Variants in RBFOX1 observed in about 807,000 individuals in gnomAD.
RBFOX1 encodes the protein RNA binding fox-1 homolog 1.
Under a neutral mutation model 57.7 loss-of-function variants are expected in RBFOX1, and 8 were observed. That is an observed-to-expected ratio of 0.14 (90% CI 0.08 to 0.25). The LOEUF is 0.25. Among genes scored for constraint, RBFOX1 ranks in the 10% least tolerant of loss-of-function variants. The pLI is 1.00. For synonymous variants in RBFOX1, 326 were observed against 222.4 expected (o/e 1.47, Z -4.15); for missense variants, 611 against 548.5 (o/e 1.11, Z -1.14).
intron 4 of RBFOX1, among the ~76,000 whole-genome samples, chr16:7,378,606 C>T (rs931027408): frequency 2.0e-5 from 3 of 152,314 alleles, no homozygotes; most frequent in South Asian, 2.1e-4. Context: ...AAGCATTAGG[C>T]ACATTGTTTT....
intron 4 of RBFOX1, among the ~76,000 whole-genome samples, chr16:7,482,306 T>C (rs1257846453): frequency 2.0e-5 from 3 of 152,156 alleles, no homozygotes; most frequent in Non-Finnish European, 4.4e-5. Context: ...TGTGAAGTGC[T>C]TTAGGGAGGC....
chr16:6,061,208 G>A (rs957583056), intron 1 of RBFOX1, among the ~76,000 whole-genome samples: 1 of 152,064 alleles, frequency 6.6e-6, no homozygotes, highest in African/African-American at 2.4e-5. Flanking sequence ...AGAAGGACAG[G>A]GACCCACTAT....
chr16:7,044,013 C>T (rs566414708), intron 3 of RBFOX1, among the ~76,000 whole-genome samples: 1 of 152,186 alleles, frequency 6.6e-6, no homozygotes, highest in Admixed American at 6.5e-5. Flanking sequence ...GCACCTCTTA[C>T]ACTTTCACTG....
At chr16:5,844,549 T>A (rs1369619007) in intron 3 of RBFOX1, among the ~76,000 whole-genome samples, 1 of 152,164 alleles carries the variant, frequency 6.6e-6, no homozygotes, top group Non-Finnish European at 1.5e-5. Context: ...GTGGCAAAGA[T>A]TCCTTCACTA....
intron 10 of RBFOX1, among the ~76,000 whole-genome samples, chr16:7,612,146 C>A (rs532631422): frequency 6.6e-6 from 1 of 151,800 alleles, no homozygotes; most frequent in Admixed American, 6.6e-5. Flanking sequence ...ACGATGAAAC[C>A]CCGTCTCTAC....
chr16:6,418,163 G>A (rs188849723), intron 2 of RBFOX1, among the ~76,000 whole-genome samples: 3 of 152,308 alleles, frequency 2.0e-5, no homozygotes, highest in Non-Finnish European at 4.4e-5. Flanking sequence ...TTAACCTCAT[G>A]AGGGAGGCAC....
At chr16:6,791,927 A>C (rs1321334033) in intron 3 of RBFOX1, among the ~76,000 whole-genome samples, 1 of 152,206 alleles carries the variant, frequency 6.6e-6, no homozygotes, top group Non-Finnish European at 1.5e-5. Context: ...AGAGAGAACT[A>C]GAGACTGGAA....
chr16:6,664,697 CAGAT>C, intron 3 of RBFOX1, among the ~76,000 whole-genome samples: 1 of 152,184 alleles, frequency 6.6e-6, no homozygotes, highest in Non-Finnish European at 1.5e-5. Flanking sequence ...TCAGAACCCA[CAGAT>C]AGGCAGGGAT....
chr16:7,567,346 T>TATATATA (rs2092035268), intron 5 of RBFOX1, among the ~76,000 whole-genome samples: 4 of 121,490 alleles, frequency 3.3e-5, no homozygotes, highest in Non-Finnish European at 5.3e-5. Flanking sequence ...GCCCTATATA[T>TATATATA]ATATCCCTAT....
intron 4 of RBFOX1, among the ~76,000 whole-genome samples, chr16:6,003,845 C>T (rs966150823): frequency 2.0e-5 from 3 of 152,192 alleles, no homozygotes; most frequent in Non-Finnish European, 4.4e-5. Context: ...GGCCTCTTGT[C>T]AAAGGCCTTC....
At chr16:6,769,835 A>G (rs1422677083) in intron 3 of RBFOX1, among the ~76,000 whole-genome samples, 1 of 152,242 alleles carries the variant, frequency 6.6e-6, no homozygotes, top group Non-Finnish European at 1.5e-5. Context: ...ACACATTCTG[A>G]GGACAACTCA....
chr16:6,970,090 A>G (rs574249605), intron 3 of RBFOX1, among the ~76,000 whole-genome samples: 1 of 152,130 alleles, frequency 6.6e-6, no homozygotes, highest in African/African-American at 2.4e-5. Flanking sequence ...AGGCAGGAAG[A>G]TGATTTGAGC....
intron 2 of RBFOX1, among the ~76,000 whole-genome samples, chr16:6,418,931 T>C (rs933356198): frequency 6.6e-5 from 10 of 152,256 alleles, no homozygotes; most frequent in Admixed American, 5.9e-4. Context: ...GTATTGCAAT[T>C]ACTGGGGAGC....
At chr16:7,700,639 G>A (rs942423004) in intron 14 of RBFOX1, among the ~76,000 whole-genome samples, 21 of 152,184 alleles carry the variant, frequency 1.4e-4, no homozygotes, top group Admixed American at 3.9e-4. Flanking sequence ...ATTTCTAAGA[G>A]AAGGATGGCC....
At chr16:7,557,938 C>T (rs917957809) in intron 5 of RBFOX1, among the ~76,000 whole-genome samples, 1 of 152,096 alleles carries the variant, frequency 6.6e-6, no homozygotes, top group South Asian at 2.1e-4. Context: ...GACCATCACG[C>T]AGTATTTCCA....
At chr16:7,165,718 T>C (rs913493832) in intron 4 of RBFOX1, among the ~76,000 whole-genome samples, 15 of 152,018 alleles carry the variant, frequency 9.9e-5, no homozygotes, top group Non-Finnish European at 1.9e-4. Context: ...TGAGAGCCAC[T>C]GTGCCTAGCT....
At chr16:6,176,998 C>A (rs917616084) in intron 1 of RBFOX1, among the ~76,000 whole-genome samples, 8 of 152,122 alleles carry the variant, frequency 5.3e-5, no homozygotes, top group African/African-American at 1.4e-4. Context: ...GGTAACCATT[C>A]CAAGTGGAGA....
intron 3 of RBFOX1, among the ~76,000 whole-genome samples, chr16:6,946,942 T>A (rs201008914): frequency 6.6e-6 from 1 of 152,274 alleles, no homozygotes; most frequent in East Asian, 1.9e-4. Context: ...TTTGGCTTTA[T>A]GTTTGGGAGC....
Position 6,837,249 on chromosome 16 carries a change from C to A in RBFOX1, c.-16+182599C>A, listed in dbSNP as rs369642035. 2.0e-5 allele frequency among the ~76,000 whole-genome samples: 3 copies of A among 152,198 alleles called. No homozygotes were observed. In the East Asian group the frequency reaches 5.8e-4, roughly 29 times the overall value. ...TCCGTGTTTTAACACTTGCATATTG[C>A]TCTCTCATCTGAGCGTGCTGCTAGT... On this transcript the variant is annotated intron_variant, in intron 3 of 15. Transcript: ENST00000550418.
Sources: allele counts gnomAD v4.1 joint callset (sites outside exome capture counted in the v4.1 genomes callset), GRCh38; gene constraint gnomAD v4.1.1; transcripts MANE v1.5; gene names NCBI Gene and HGNC (gene_info 2026-07-23, HGNC 2026-07-21).